LINGO2: variants seen among roughly 807,000 people sequenced by gnomAD.
LINGO2 encodes leucine-rich repeat and immunoglobulin-like domain-containing nogo receptor-interacting protein 2.
In LINGO2, 14 loss-of-function variants were observed where a neutral mutation model predicts 30.6. That is an observed-to-expected ratio of 0.46 (90% CI 0.30 to 0.72). The LOEUF (loss-of-function observed/expected upper bound fraction) is 0.72. LINGO2 is among the 30% of genes least tolerant of loss of function. The pLI is 0.07. For synonymous variants in LINGO2, 317 were observed against 288.5 expected, an observed-to-expected ratio of 1.10 and a Z score of -1.00; for missense variants, 729 against 751.7, an observed-to-expected ratio of 0.97 and a Z score of 0.35.
the LINGO2 span, among the ~76,000 whole-genome samples, chr9:29,089,389 G>A: frequency 6.6e-6 from 1 of 151,886 alleles, no homozygotes; most frequent in Admixed American, 6.6e-5. Context: ...CTATGCAGTA[G>A]TAGTAATAGT....
intron 2 of LINGO2, among the ~76,000 whole-genome samples, chr9:28,376,294 A>G (rs1288758301): frequency 2.6e-5 from 4 of 152,096 alleles, no homozygotes; most frequent in Admixed American, 1.3e-4. Context: ...GCGAAGCGAG[A>G]GATATTAAGT....
chr9:28,257,393 G>A lies in LINGO2; in HGVS notation c.-87+37815C>T, dbSNP rs558879650. Among the ~76,000 whole-genome samples, 8 of 151,802 alleles carry A rather than the reference G, an allele frequency of 5.3e-5. No individual in the cohort carries two copies. In the South Asian group the frequency reaches 6.2e-4, roughly 12 times the overall value. ...TCAAGACAGAAGACCATTCCAGTCC[G>A]CAGGAGAGTAGTCCTTAAAAGAGAA... On this transcript the variant is annotated intron_variant, in intron 4 of 5. Transcript: ENST00000379992.
At chr9:28,925,471 C>G in the LINGO2 span, among the ~76,000 whole-genome samples, 17,374 of 152,192 alleles carry the variant, frequency 0.11, 993 homozygotes, top group South Asian at 0.16. Context: ...TGGTGGTTTC[C>G]TTGGTGGGTA....
At chr9:29,081,156 A>G in the LINGO2 span, among the ~76,000 whole-genome samples, 2 of 152,132 alleles carry the variant, frequency 1.3e-5, no homozygotes, top group African/African-American at 4.8e-5. Flanking sequence ...TCCCTGATGA[A>G]CATCGATGCA....
the LINGO2 span, among the ~76,000 whole-genome samples, chr9:28,709,224 T>A: frequency 6.6e-6 from 1 of 152,062 alleles, no homozygotes; most frequent in African/African-American, 2.4e-5. Flanking sequence ...AATAAAGTGT[T>A]TTGTTTTGTT....
intron 1 of LINGO2, among the ~76,000 whole-genome samples, chr9:28,492,791 G>C (rs941125712): frequency 6.6e-6 from 1 of 152,016 alleles, no homozygotes; most frequent in Non-Finnish European, 1.5e-5. Flanking sequence ...CTGGAGGGAA[G>C]AAGTCAATAA....
intron 4 of LINGO2, among the ~76,000 whole-genome samples, chr9:28,236,158 A>C (rs1019337287): frequency 6.6e-6 from 1 of 152,184 alleles, no homozygotes; most frequent in African/African-American, 2.4e-5. Context: ...GAAACCTTAC[A>C]GGCCATGAGA....
At chr9:28,459,349 C>A (rs1445272124) in intron 2 of LINGO2, among the ~76,000 whole-genome samples, 4 of 151,698 alleles carry the variant, frequency 2.6e-5, no homozygotes, top group Non-Finnish European at 5.9e-5. Flanking sequence ...ATTACATACT[C>A]ATTTTAAAGT....
At chr9:29,111,561 T>G in the LINGO2 span, among the ~76,000 whole-genome samples, 2 of 151,922 alleles carry the variant, frequency 1.3e-5, no homozygotes, top group Non-Finnish European at 2.9e-5. Context: ...GCTGCTAAAC[T>G]AAACAGTTTT....
At chr9:28,205,102 G>A (rs1820365316) in intron 4 of LINGO2, among the ~76,000 whole-genome samples, 1 of 152,182 alleles carries the variant, frequency 6.6e-6, no homozygotes, top group African/African-American at 2.4e-5. Context: ...CTAGAGACTA[G>A]GGGATATGGA....
intron 4 of LINGO2, among the ~76,000 whole-genome samples, chr9:28,050,552 A>G (rs1301169546): frequency 6.6e-6 from 1 of 150,866 alleles, no homozygotes; most frequent in Non-Finnish European, 1.5e-5. Context: ...GATCACTGAT[A>G]GGGTTCTAAT....
chr9:27,950,865 G>T (rs10757699), intron 5 of LINGO2, among the ~76,000 whole-genome samples, 159 bp from the exon 7 acceptor site: 81,628 of 152,024 alleles, frequency 0.54, 23,861 homozygotes, highest in East Asian at 0.8. Context: ...CTTAGTAACA[G>T]GTTCTTGGTC....
At chr9:28,375,582 G>A (rs1821097664) in intron 2 of LINGO2, among the ~76,000 whole-genome samples, 2 of 152,184 alleles carry the variant, frequency 1.3e-5, no homozygotes, top group Admixed American at 6.5e-5. Context: ...ACTGCATGCC[G>A]CAGAAGGTGC....
chr9:28,445,715 T>G (rs1824397571), intron 2 of LINGO2, among the ~76,000 whole-genome samples: 1 of 152,178 alleles, frequency 6.6e-6, no homozygotes, highest in Admixed American at 6.5e-5. Context: ...AAAGCAAATC[T>G]GAAACAAAAA....
chr9:28,371,782 T>C (rs1157098272), intron 3 of LINGO2, among the ~76,000 whole-genome samples: 1 of 152,202 alleles, frequency 6.6e-6, no homozygotes. Flanking sequence ...GCCCTGATGA[T>C]TTCCTCTTTG....
intron 2 of LINGO2, among the ~76,000 whole-genome samples, chr9:28,447,748 T>C (rs1824483808): frequency 6.6e-6 from 1 of 152,210 alleles, no homozygotes; most frequent in Admixed American, 6.6e-5. Context: ...ACTATATATG[T>C]TGTCAAACAA....
At chr9:28,681,882 G>T in the LINGO2 span, among the ~76,000 whole-genome samples, 3 of 152,224 alleles carry the variant, frequency 2.0e-5, no homozygotes, top group East Asian at 5.8e-4. Flanking sequence ...GAAAGCTTAT[G>T]ATTCAATCAA....
chr9:28,965,008 AAG>A, the LINGO2 span, among the ~76,000 whole-genome samples: 1 of 151,966 alleles, frequency 6.6e-6, no homozygotes, highest in African/African-American at 2.4e-5. Flanking sequence ...AATAGAAGAT[AAG>A]AGAATAATCT....
chr9:27,987,760 A>G (rs998441868), intron 5 of LINGO2, among the ~76,000 whole-genome samples: 1 of 151,870 alleles, frequency 6.6e-6, no homozygotes, highest in Non-Finnish European at 1.5e-5. Flanking sequence ...CTAAAATTCC[A>G]CTTAAATAAA....
Sources: allele counts gnomAD v4.1 joint callset (sites outside exome capture counted in the v4.1 genomes callset), GRCh38; gene constraint gnomAD v4.1.1; transcripts MANE v1.5; gene names NCBI Gene and HGNC (gene_info 2026-07-23, HGNC 2026-07-21).